DMD: variants seen among roughly 807,000 people sequenced by gnomAD.
DMD encodes mutant dystrophin.
DMD carries 63 observed loss-of-function variants against 330.1 expected under a neutral mutation model. That is an observed-to-expected ratio of 0.19 (90% CI 0.16 to 0.24). The LOEUF is 0.24. DMD is among the 10% of genes least tolerant of loss of function. The pLI is 1.00. For missense variants in DMD, 3,344 were observed against 2,684.1 expected (o/e 1.25, Z -5.43); for synonymous variants, 1,223 against 959.8 (o/e 1.27, Z -5.07).
At chrX:32,528,897 A>G (rs1330129920) in intron 17 of DMD, among the ~76,000 whole-genome samples, 1 of 87,521 alleles carries the variant, frequency 1.1e-5, no homozygotes, top group Non-Finnish European at 2.2e-5. Context: ...GACCAAACCA[A>G]TGTATTTCTT....
chrX:31,438,887 C>G (rs1439416214), intron 60 of DMD, among the ~76,000 whole-genome samples: 3 of 111,472 alleles, frequency 2.7e-5, no homozygotes, highest in African/African-American at 9.8e-5. Flanking sequence ...GATAAAAGAC[C>G]TGCTTAGAAA....
At chrX:31,338,943 CAAAAAAAAA>C (rs151110457) in intron 61 of DMD, among the ~76,000 whole-genome samples, 1 of 64,160 alleles carries the variant, frequency 1.6e-5, no homozygotes, top group East Asian at 4.8e-4. Flanking sequence ...CATCTATGCA[CAAAAAAAAA>C]AAAAAAAAAA....
At chrX:31,575,639 G>C (rs1050671858) in intron 55 of DMD, among the ~76,000 whole-genome samples, 1 of 111,895 alleles carries the variant, frequency 8.9e-6, no homozygotes, top group Non-Finnish European at 1.9e-5. Context: ...TTGTGTGAAG[G>C]TAAGTAAGTG....
intron 23 of DMD, among the ~76,000 whole-genome samples, chrX:32,465,501 G>C (rs999511389): frequency 9.4e-6 from 1 of 105,913 alleles, no homozygotes; most frequent in Non-Finnish European, 1.9e-5. Flanking sequence ...TCACCTTGCT[G>C]TTATCTTTCA....
rs191164314 is a variant in DMD at position 32,463,496 on chromosome X, C to T, written c.3375G>A (p.Ser1125=). ...GTTCTTTGAGTTCTGTCTCAAGTCT[C>T]GAAGCAAACTCTGGCTCTGCTTCAT... ...IKNEAEPEFA[S]RLETELKELN... Residue 1125 remains serine, a synonymous_variant, in exon 25 of 79, where the codon TCG becomes TCA. Coordinates refer to ENST00000357033, the MANE Select transcript of DMD (RefSeq NM_004006.3). 32 of 1,205,214 alleles carry T rather than the reference C, an allele frequency of 2.7e-5. No individual in the cohort carries two copies. The highest frequency in any genetic ancestry group is 3.4e-5 in the Non-Finnish European group (30 of 892,522).
intron 37 of DMD, among the ~76,000 whole-genome samples, chrX:32,348,948 T>C (rs112939255): frequency 7.0e-4 from 78 of 111,766 alleles, no homozygotes; most frequent in African/African-American, 2.3e-3. Flanking sequence ...TGCAGAATTG[T>C]CATCTTATCC....
chrX:32,450,204 G>C, intron 26 of DMD, among the ~76,000 whole-genome samples: 1 of 110,637 alleles, frequency 9.0e-6, no homozygotes, highest in Non-Finnish European at 1.9e-5. Flanking sequence ...ACAATGCGGT[G>C]GTTAAGGTAA....
chrX:33,191,620 C>T (rs963716991), intron 1 of DMD, among the ~76,000 whole-genome samples: 1 of 111,128 alleles, frequency 9.0e-6, no homozygotes, highest in Non-Finnish European at 1.9e-5. Flanking sequence ...GACGGGGTTA[C>T]ACCATGTTGG....
chrX:31,298,218 T>C (rs1177155283), intron 62 of DMD, among the ~76,000 whole-genome samples: 1 of 112,023 alleles, frequency 8.9e-6, no homozygotes, highest in Non-Finnish European at 1.9e-5. Flanking sequence ...TATGACATTT[T>C]TGTATAATAA....
At chrX:32,500,076 G>T (rs2043895080) in intron 19 of DMD, among the ~76,000 whole-genome samples, 1 of 110,359 alleles carries the variant, frequency 9.1e-6, no homozygotes, top group Non-Finnish European at 1.9e-5. Context: ...AGAACAAAAG[G>T]GTAGCATAAA....
At chrX:33,112,708 C>T (rs1406332888) in intron 1 of DMD, among the ~76,000 whole-genome samples, 1 of 111,122 alleles carries the variant, frequency 9.0e-6, no homozygotes, top group Non-Finnish European at 1.9e-5. Flanking sequence ...AATTGTGGCT[C>T]TTCCTCATAA....
At chrX:33,098,384 T>C (rs537077534) in intron 1 of DMD, among the ~76,000 whole-genome samples, 70 of 112,063 alleles carry the variant, frequency 6.2e-4, no homozygotes, top group South Asian at 3.7e-3. Context: ...TTGCTAACTT[T>C]CTTTGAATTA....
At chrX:31,494,572 T>A (rs185682222) in intron 57 of DMD, among the ~76,000 whole-genome samples, 2 of 111,668 alleles carry the variant, frequency 1.8e-5, no homozygotes, top group Non-Finnish European at 3.8e-5. Flanking sequence ...CTGGTGAGTA[T>A]CACTCATAAC....
intron 60 of DMD, among the ~76,000 whole-genome samples, chrX:31,399,907 C>G (rs928730721): frequency 1.8e-5 from 2 of 110,874 alleles, no homozygotes; most frequent in Non-Finnish European, 3.8e-5. Flanking sequence ...AATTTAGTGA[C>G]CAAATAAAAA....
intron 1 of DMD, among the ~76,000 whole-genome samples, chrX:33,192,902 A>G (rs2050732908): frequency 8.9e-6 from 1 of 112,344 alleles, no homozygotes; most frequent in Admixed American, 9.4e-5. Flanking sequence ...TTTATAGCAC[A>G]CAAATACACA....
intron 59 of DMD, among the ~76,000 whole-genome samples, chrX:31,463,093 A>T (rs950036065): frequency 1.8e-5 from 2 of 112,205 alleles, no homozygotes; most frequent in Non-Finnish European, 3.8e-5. Context: ...AAAATAAAAC[A>T]AGAACATCAA....
chrX:32,485,734 C>CTTTTT lies in DMD; in HGVS notation c.2623-640_2623-636dup, dbSNP rs5902034. Among the ~76,000 whole-genome samples, 73 of 36,151 alleles carry CTTTTT rather than the reference C, an allele frequency of 2.0e-3. 9 individuals carry two copies. Among genetic ancestry groups the CTTTTT allele is most frequent in the South Asian group, 0.012 (4 of 334 alleles). The allele number at this position is 36,151 out of a possible 115,157, so 31.4% of individuals were successfully genotyped here. On this transcript the variant is annotated intron_variant, in intron 20 of 78. Transcript: ENST00000357033. ...CTCCTGACCAAACAGGCAACCACTGCTTTTTTTTTTTTTTTTTTTTTTTTT... is the reference window on the plus strand; with the variant it reads ...CTCCTGACCAAACAGGCAACCACTGCTTTTTTTTTTTTTTTTTTTTTTTTTTTTTT...
rs1430845292 is a variant in DMD at position 32,644,308 on chromosome X, G to A, written c.1155C>T (p.Tyr385=). The change falls in exon 11 of 79, where the codon TAC becomes TAT. Residue 385 remains tyrosine, a synonymous_variant. Coordinates refer to ENST00000357033, the MANE Select transcript of DMD (RefSeq NM_004006.3). ...CCTGATGGGCTGTCAAATCCATCAT[G>A]TACCCCTGACAAAGAAGGAAGTTAA... ...VKDQFHTHEG[Y]MMDLTAHQGR... is the part of the protein sequence containing the mutation. 2 of 1,210,157 alleles carry A rather than the reference G, an allele frequency of 1.7e-6. No homozygotes were observed. Among genetic ancestry groups the A allele is most frequent in the Non-Finnish European group, 1.1e-6 (1 of 894,489 alleles).
chrX:31,806,343 A>G (rs2092290555), intron 50 of DMD, among the ~76,000 whole-genome samples: 1 of 112,276 alleles, frequency 8.9e-6, no homozygotes, highest in African/African-American at 3.2e-5. Flanking sequence ...TGGACTAGGA[A>G]TACGAAGAGA....
Sources: gnomAD v4.1 joint callset for allele counts (sites outside exome capture counted in the v4.1 genomes callset) on GRCh38, gnomAD v4.1.1 for gene constraint, MANE v1.5 for transcripts, NCBI Gene and HGNC (gene_info 2026-07-23, HGNC 2026-07-21) for gene names.